BMP1: variants seen among roughly 807,000 people sequenced by gnomAD.
BMP1 encodes the protein bone morphogenetic protein 1.
BMP1 carries 63 observed loss-of-function variants against 116.8 expected under a neutral mutation model. That is an observed-to-expected ratio of 0.54 (90% confidence interval 0.44 to 0.67). BMP1 has a LOEUF of 0.67. BMP1 is among the 30% of genes least tolerant of loss of function. BMP1 has a pLI of 0.00. For synonymous variants in BMP1, 536 were observed against 533.4 expected (o/e 1.00, Z -0.07); for missense variants, 1,183 against 1,358.9 (o/e 0.87, Z 2.04).
intron 1 of BMP1, among the ~76,000 whole-genome samples, chr8:22,172,035 G>A (rs999631872): frequency 6.6e-6 from 1 of 152,152 alleles, no homozygotes; most frequent in African/African-American, 2.4e-5. Flanking sequence ...ACTAACCTTG[G>A]GTGTCTGATT....
At chr8:22,172,210 C>T (rs1586435130) in intron 1 of BMP1, among the ~76,000 whole-genome samples, 1 of 152,222 alleles carries the variant, frequency 6.6e-6, no homozygotes, top group Admixed American at 6.5e-5. Context: ...GTGGGTGGAG[C>T]TGCAGGGAAG....
chr8:22,166,700 G>C (rs1011479371), intron 1 of BMP1, among the ~76,000 whole-genome samples: 4 of 152,208 alleles, frequency 2.6e-5, no homozygotes, highest in African/African-American at 9.6e-5. Flanking sequence ...ACCCTGTTCA[G>C]GGACTCTCCT....
rs1472505913 is a variant in BMP1, at chr8:22,173,724, G to T, written c.262+9G>T. The T allele has an allele frequency of 1.9e-6, 3 of 1,599,646 alleles. No individual in the cohort carries two copies. The highest frequency in any genetic ancestry group is 2.6e-6 in the Non-Finnish European group (3 of 1,170,494). Reference sequence around the variant, plus strand: ...CTCCATCAAAGCTGCAGGTAAGCCGGGTGCCAATGGGCCCTCTGTGTCCTA... The same window carrying T: ...CTCCATCAAAGCTGCAGGTAAGCCGTGTGCCAATGGGCCCTCTGTGTCCTA... On this transcript the variant is annotated intron_variant, in intron 2 of 19. Transcript: ENST00000306385.
At chr8:22,200,800 G>A (rs780130519) in intron 15 of BMP1, among the ~76,000 whole-genome samples, 5 of 152,176 alleles carry the variant, frequency 3.3e-5, no homozygotes, top group Non-Finnish European at 7.4e-5. Flanking sequence ...CTCTACCGAC[G>A]ACTCCCCAGT....
chr8:22,203,695 T>C (rs756212482), intron 16 of BMP1, among the ~76,000 whole-genome samples: 18 of 152,190 alleles, frequency 1.2e-4, no homozygotes, highest in Non-Finnish European at 1.6e-4. Context: ...TTTAAACAGA[T>C]GAGCTGCTCA....
chr8:22,207,501 G>C lies in BMP1; in HGVS notation c.2560G>C (p.Ala854Pro), dbSNP rs1829385001. ...DNSVQRKGFQ[A>P]SHATECGGQV... ...CTCGGTCCAGCGAAAGGGCTTCCAG[G>C]CCTCCCACGCCACAGGTACTGTCCC... Residue 854 changes from alanine to proline, a missense_variant, in exon 18 of 20, where the codon GCC becomes CCC. Coordinates refer to ENST00000306385, the MANE Select transcript of BMP1 (RefSeq NM_006129.5). 1 of 1,613,386 alleles carries C rather than the reference G, an allele frequency of 6.2e-7. No individual in the cohort carries two copies. Among genetic ancestry groups the C allele is most frequent in the Non-Finnish European group, 8.5e-7 (1 of 1,180,012 alleles).
chr8:22,166,880 A>G (rs1487110583), intron 1 of BMP1, among the ~76,000 whole-genome samples: 2 of 152,150 alleles, frequency 1.3e-5, no homozygotes, highest in African/African-American at 4.8e-5. Context: ...TGGACTGCGC[A>G]TGGACTTTGA....
At chr8:22,206,812 G>A (rs759479624) in intron 16 of BMP1, 42 bp from the exon 17 acceptor site, 1 of 1,612,682 alleles carries the variant, frequency 6.2e-7, no homozygotes, top group Non-Finnish European at 8.5e-7. Context: ...ATCGGAGCTT[G>A]GGGTCCCTCT....
rs779288525 is a variant in BMP1 at position 22,209,526 on chromosome 8, G to C, written c.2657G>C (p.Gly886Ala). Residue 886 changes from glycine (G) to alanine (A), a missense_variant, in exon 19 of 20, where the codon GGG (glycine) becomes GCG (alanine). This residue lies in a region of BMP1 where 956 missense variants were observed against 1,135.2 expected (regional missense o/e 0.84). Coordinates refer to ENST00000306385, the MANE Select transcript of BMP1 (RefSeq NM_006129.5). Reference protein sequence around the residue: ...HAQFGDNNYPGGVDCEWVIVA... With the variant: ...HAQFGDNNYPAGVDCEWVIVA... ...CAGTTTGGCGACAACAACTACCCTG[G>C]GGGTGTGGACTGTGAGTGGGTCATT... is the stretch of plus-strand genomic sequence containing the variant. 6.2e-7 allele frequency: 1 copy of C among 1,614,232 alleles called. No homozygotes were observed. The highest frequency in any genetic ancestry group is 1.1e-5 in the South Asian group (1 of 91,088).
intron 16 of BMP1, among the ~76,000 whole-genome samples, chr8:22,202,239 G>C (rs1414807048): frequency 6.6e-6 from 1 of 152,232 alleles, no homozygotes; most frequent in Admixed American, 6.5e-5. Context: ...CGGCACAGAG[G>C]CGAGAAAGGA....
At chr8:22,174,146 C>T (rs1828363467) in intron 2 of BMP1, among the ~76,000 whole-genome samples, 1 of 152,228 alleles carries the variant, frequency 6.6e-6, no homozygotes, top group African/African-American at 2.4e-5. Context: ...CTCTGCCCAA[C>T]ACTGCAATCC....
In BMP1 at chr8:22,211,616, C is replaced by T. The variant is rs1408743272; in HGVS notation, c.2849C>T (p.Ala950Val). The T allele has an allele frequency of 5.6e-6, 9 of 1,614,188 alleles. No homozygotes were observed. Among genetic ancestry groups the T allele is most frequent in the African/African-American group, 1.3e-5 (1 of 75,044 alleles). ...GSGPPEEVYS[A>V]GDSVLVKFHS... ...CAGCCTCCTGAGGAGGTGTACTCGG[C>T]GGGAGATTCTGTCCTGGTGAAGTTC... The change falls in exon 20 of 20, where the codon GCG (alanine) becomes GTG (valine). Residue 950 changes from alanine to valine, a missense_variant. Ala to Val is a moderately conservative substitution (Grantham distance 64, BLOSUM62 0). Around this residue, in one of 4 missense-constraint regions of BMP1, gnomAD observed 956 missense variants for 1,135.2 expected, o/e 0.84. Transcript: ENST00000306385.
intron 15 of BMP1, among the ~76,000 whole-genome samples, chr8:22,200,570 GTGTC>G (rs910700800): frequency 6.6e-6 from 1 of 152,194 alleles, no homozygotes; most frequent in African/African-American, 2.4e-5. Flanking sequence ...TTGGAGCTGT[GTGTC>G]TGTGCGTGTG....
intron 14 of BMP1, 33 bp from the exon 15 acceptor site, chr8:22,197,207 A>G: frequency 6.3e-7 from 1 of 1,594,028 alleles, no homozygotes; most frequent in South Asian, 1.1e-5. Context: ...GGCTTCCTGG[A>G]GGAGGCGGGC....
At chr8:22,168,097 C>G (rs992597541) in intron 1 of BMP1, among the ~76,000 whole-genome samples, 1 of 152,152 alleles carries the variant, frequency 6.6e-6, no homozygotes, top group Non-Finnish European at 1.5e-5. Flanking sequence ...CTTCGTTGGA[C>G]CATTACTGGC....
At position 22,195,536 on chromosome 8, in the gene BMP1, T is replaced by C. The variant is rs1829057508; in HGVS notation, c.1714T>C (p.Cys572Arg). Residue 572 changes from cysteine to arginine, a missense_variant, in exon 13 of 20, where the codon TGC (cysteine) becomes CGC (arginine). By Grantham distance (180) the Cys-to-Arg change is radical. This residue lies in a region of BMP1 where 956 missense variants were observed against 1,135.2 expected (regional missense o/e 0.84). Coordinates refer to ENST00000306385, the MANE Select transcript of BMP1 (RefSeq NM_006129.5). ...CCTCAACACCCTGGGCAGCTACAAGTGCAGCTGTGACCCCGGGTACGAGCT... is the reference window on the plus strand; with the variant it reads ...CCTCAACACCCTGGGCAGCTACAAGCGCAGCTGTGACCCCGGGTACGAGCT... ...RCLNTLGSYK[C>R]SCDPGYELAP... The C allele has an allele frequency of 6.2e-7, 1 of 1,612,410 alleles. No homozygotes were observed. Among genetic ancestry groups the C allele is most frequent in the Non-Finnish European group, 8.5e-7 (1 of 1,179,770 alleles).
At chr8:22,197,545 C>G in intron 15 of BMP1, 125 bp downstream of exon 15, 3 of 1,043,542 alleles carry the variant, frequency 2.9e-6, no homozygotes, top group South Asian at 3.4e-5. Flanking sequence ...AGTCTGCCCC[C>G]TGCTCCCCAC....
chr8:22,194,207 G>C lies in BMP1; in HGVS notation c.1297+33G>C, dbSNP rs762943026. ...GGAAGGCGGCGGGCGGGAGGAGTCA[G>C]ATAGGAGGTCTCTGGGCATGGTAAA... On this transcript the variant is annotated intron_variant, in intron 10 of 19. Coordinates refer to ENST00000306385, the MANE Select transcript of BMP1 (RefSeq NM_006129.5). The surrounding 1 kb of genome is among the most constrained non-coding windows in gnomAD (Gnocchi z 4.5). The C allele has an allele frequency of 8.2e-6, 13 of 1,592,576 alleles. No individual in the cohort carries two copies. The East Asian group carries it at 2.7e-4, about 33-fold the overall frequency.
At chr8:22,191,911 A>T (rs1586457635) in intron 8 of BMP1, 138 bp from the exon 9 acceptor site, 2 of 653,648 alleles carry the variant, frequency 3.1e-6, no homozygotes, top group Non-Finnish European at 2.6e-6. Flanking sequence ...CTGTGCCAGG[A>T]GCTCCTTTTG....
Sources: gnomAD v4.1 joint callset for allele counts (sites outside exome capture counted in the v4.1 genomes callset) on GRCh38, gnomAD v4.1.1 for gene constraint, gnomAD v4.1.1 regional missense constraint, Gnocchi (gnomAD v3.1) non-coding constraint, MANE v1.5 for transcripts, NCBI Gene and HGNC (gene_info 2026-07-23, HGNC 2026-07-21) for gene names.